Variants in SNF8 observed in about 807,000 individuals in gnomAD.
SNF8 encodes the protein SNF8 subunit of ESCRT-II.
A neutral mutation model predicts 36.8 loss-of-function variants in SNF8; 19 were observed. That is an observed-to-expected ratio of 0.52 (90% CI 0.36 to 0.76). SNF8 has a LOEUF of 0.76. Ranked by LOEUF, SNF8 falls within the 30% of genes least tolerant of loss-of-function variation. The pLI is 0.00. For missense variants in SNF8, 268 were observed against 322.9 expected (o/e 0.83, Z 1.30); for synonymous variants, 127 against 127.4 (o/e 1.00, Z 0.02).
Position 48,936,890 on chromosome 17 carries a change from A to G in SNF8, c.349+130T>C, listed in dbSNP as rs1169548896. ...GGAGACTTGCCATGGATTCAACTGC[A>G]TGAAACAGCTAAGATGTCTCTCAAG... is the stretch of plus-strand genomic sequence containing the variant. On this transcript the variant is annotated intron_variant, in intron 4 of 7. Transcript: ENST00000502492. The G allele has an allele frequency of 6.9e-6, 5 of 724,750 alleles. No individual in the cohort carries two copies. The East Asian group carries it at 9.8e-5, about 14-fold the overall frequency. 44.9% of individuals were successfully genotyped at this position (724,750 alleles called of 1,614,324 possible).
intron 6 of SNF8, 182 bp from the exon 7 acceptor site, chr17:48,931,899 G>T (rs530750510): frequency 9.2e-5 from 47 of 513,448 alleles, no homozygotes; most frequent in African/African-American, 8.3e-4. Context: ...GCATGACAGA[G>T]GTAGGTTGGT....
rs1287211315 is a variant in SNF8, at chr17:48,936,171, G to T, written c.421C>A (p.Gln141Lys). ...GRGKFAQDVSQDDLIRAIKKL... is the reference protein window; with the variant it reads ...GRGKFAQDVSKDDLIRAIKKL... The stretch of plus-strand genomic sequence containing the variant: ...AAGGGATTGGAAGACAAGACCTACT[G>T]ACTGACATCCTGGGCGAACTTGCCC... The change falls in exon 5 of 8, where the codon CAA becomes AAA. Residue 141 changes from glutamine (Q) to lysine (K), a missense_variant and splice_region_variant. Transcript: ENST00000502492. 2 of 1,612,100 alleles carry T rather than the reference G, an allele frequency of 1.2e-6. No homozygotes were observed. The highest frequency in any genetic ancestry group is 1.1e-5 in the South Asian group (1 of 91,032).
chr17:48,936,983 G>A (rs1304979202), intron 4 of SNF8, 37 bp downstream of exon 4: 1 of 1,426,992 alleles, frequency 7.0e-7, no homozygotes, highest in South Asian at 1.1e-5. Context: ...TCTCAGAGAA[G>A]TCCAGAGTCC....
At chr17:48,943,773 A>G (rs1407014327) in intron 2 of SNF8, 152 bp downstream of exon 2, 8 of 682,646 alleles carry the variant, frequency 1.2e-5, no homozygotes, top group Middle Eastern at 2.5e-4. Flanking sequence ...TGTTATTAGC[A>G]AGTCACCTAA....
At chr17:48,941,610 T>C (rs1194340138) in intron 2 of SNF8, among the ~76,000 whole-genome samples, 1 of 152,012 alleles carries the variant, frequency 6.6e-6, no homozygotes, top group Non-Finnish European at 1.5e-5. Flanking sequence ...ACACCTGTAA[T>C]CCCACAACGG....
rs1387479838 is a variant in SNF8 at position 48,930,514 on chromosome 17, C to G, written c.738G>C (p.Gln246His). 1 of 1,612,074 alleles carries G rather than the reference C, an allele frequency of 6.2e-7. No individual in the cohort carries two copies. The highest frequency in any genetic ancestry group is 8.5e-7 in the Non-Finnish European group (1 of 1,179,626). ...CTCTGGCCTCCTCAGCTGTAATCTC[C>G]TGGGAGTAGAGGTCAGTGAAGAGAG... is the stretch of plus-strand genomic sequence containing the variant. ...LPALFTDLYS[Q>H]EITAEEAREA... The change falls in exon 8 of 8, where the codon CAG becomes CAC. Residue 246 changes from glutamine to histidine, a missense_variant. Transcript: ENST00000502492.
chr17:48,934,207 T>G (rs2040901597), intron 5 of SNF8, among the ~76,000 whole-genome samples: 1 of 152,144 alleles, frequency 6.6e-6, no homozygotes, highest in African/African-American at 2.4e-5. Context: ...TAGATTGGAA[T>G]GCATTCTCCA....
chr17:48,940,296 C>A (rs1465333156), intron 3 of SNF8, among the ~76,000 whole-genome samples: 1 of 151,402 alleles, frequency 6.6e-6, no homozygotes, highest in Non-Finnish European at 1.5e-5. Flanking sequence ...CTGCCTTGGC[C>A]TTGCAAAGTG....
chr17:48,934,393 G>A (rs9904730), intron 5 of SNF8: 39,025 of 154,770 alleles, frequency 0.25, 5,187 homozygotes, highest in Admixed American at 0.37. Context: ...TTGGGAGGCC[G>A]AGAGTTCGAG....
intron 6 of SNF8, 198 bp downstream of exon 6, chr17:48,933,007 G>GC (rs1489271792): frequency 2.0e-6 from 1 of 493,940 alleles, no homozygotes; most frequent in African/African-American, 1.9e-5. Flanking sequence ...ATCTTTATAT[G>GC]CCCCACAGCC....
At chr17:48,939,849 C>T (rs1277576793) in intron 3 of SNF8, among the ~76,000 whole-genome samples, 1 of 151,872 alleles carries the variant, frequency 6.6e-6, no homozygotes, top group South Asian at 2.1e-4. Flanking sequence ...CCAAGAAAGG[C>T]CGATCACTTG....
At chr17:48,932,984 C>T (rs2040881546) in intron 6 of SNF8, 1 of 448,006 alleles carries the variant, frequency 2.2e-6, no homozygotes, top group South Asian at 5.7e-5. Flanking sequence ...TCCTTGAGAG[C>T]AGGAATTTTA....
rs544687646 is a variant in SNF8, at chr17:48,931,770, G to A, written c.565-53C>T. ...TCAGTTAAGAGTGCACCTTCCCTTA[G>A]AACCCAGGATCTGCCCAGGAACAAG... On this transcript the variant is annotated intron_variant, in intron 6 of 7. Transcript: ENST00000502492. The A allele has an allele frequency of 1.1e-5, 16 of 1,429,428 alleles. No homozygotes were observed. In the African/African-American group the frequency reaches 1.3e-4, roughly 11 times the overall value. The allele number at this position is 1,429,428 out of a possible 1,614,324, so 88.5% of individuals were successfully genotyped here. A position where few individuals can be genotyped will look rare whatever the true frequency, so the allele number is the denominator to read the frequency against.
chr17:48,931,821 C>T, intron 6 of SNF8, 104 bp from the exon 7 acceptor site: 1 of 822,474 alleles, frequency 1.2e-6, no homozygotes, highest in East Asian at 2.7e-5. Context: ...GGAGGAAAAG[C>T]TGTCAAGCAT....
intron 2 of SNF8, 23 bp from the exon 3 acceptor site, chr17:48,941,085 T>G: frequency 1.2e-6 from 2 of 1,608,908 alleles, no homozygotes; most frequent in South Asian, 2.2e-5. Flanking sequence ...CAGGGAGTGG[T>G]GAAGGGCAGC....
In SNF8 at chr17:48,944,788, C is replaced by G; in HGVS notation, c.-54G>C. The G allele has an allele frequency of 6.5e-7, 1 of 1,529,972 alleles. No homozygotes were observed. Among genetic ancestry groups the G allele is most frequent in the Non-Finnish European group, 8.7e-7 (1 of 1,149,060 alleles). The allele number at this position is 1,529,972 out of a possible 1,614,324, so 94.8% of individuals were successfully genotyped here. A position where few individuals can be genotyped will look rare whatever the true frequency, so the allele number is the denominator to read the frequency against. ...CTGCCGGGACCCCGGGTCTCCACGT[C>G]CCGGACTCCGCCGCCGGCTCCCCAA... On this transcript the variant is annotated 5_prime_UTR_variant, in exon 1 of 8. Transcript: ENST00000502492.
chr17:48,937,411 CGA>C (rs1429100966), intron 3 of SNF8: 13 of 469,580 alleles, frequency 2.8e-5, no homozygotes, highest in African/African-American at 7.9e-5. Flanking sequence ...GTGGATCGCT[CGA>C]GACCAAGAGT....
intron 2 of SNF8, among the ~76,000 whole-genome samples, chr17:48,942,495 C>G (rs2041044803): frequency 6.6e-6 from 1 of 152,094 alleles, no homozygotes; most frequent in African/African-American, 2.4e-5. Context: ...TAACGGCTTC[C>G]TCCACTTCTT....
In SNF8 at chr17:48,939,111, A is replaced by G. The variant is rs534668076; in HGVS notation, c.244+1813T>C. ...GTCTCTACTAAAAATACAAAAAATTAGCCGGGCATGGTGGCACATGCCTAT... is the reference window on the plus strand; with the variant it reads ...GTCTCTACTAAAAATACAAAAAATTGGCCGGGCATGGTGGCACATGCCTAT... On this transcript the variant is annotated intron_variant, in intron 3 of 7. Transcript: ENST00000502492. Among the ~76,000 whole-genome samples the G allele has an allele frequency of 4.1e-3, 614 of 150,762 alleles. 4 individuals are homozygous for G. The highest frequency in any genetic ancestry group is 7.2e-3 in the Non-Finnish European group (486 of 67,686).
Sources: allele counts gnomAD v4.1 joint callset (sites outside exome capture counted in the v4.1 genomes callset), GRCh38; gene constraint gnomAD v4.1.1; transcripts MANE v1.5; gene names NCBI Gene and HGNC (gene_info 2026-07-23, HGNC 2026-07-21).